Variants in LOC400499 observed in about 807,000 individuals in gnomAD.
chr16:11,490,213 T>C, the LOC400499 span, among the ~76,000 whole-genome samples: 41 of 151,708 alleles, frequency 2.7e-4, no homozygotes, highest in East Asian at 7.2e-3. Flanking sequence ...CTGGCCCACA[T>C]GGCAAAACCA....
the LOC400499 span, chr16:11,494,904 G>A: frequency 1.0e-5 from 4 of 397,206 alleles, no homozygotes; most frequent in Admixed American, 8.8e-5. Context: ...TCTTTTCAGG[G>A]AACATTTTAA....
the LOC400499 span, among the ~76,000 whole-genome samples, chr16:11,505,561 C>T: frequency 2.0e-5 from 3 of 147,588 alleles, 1 homozygote; most frequent in South Asian, 6.5e-4. Flanking sequence ...TCAAGCCAGC[C>T]TCCTCCCTCA....
chr16:11,458,289 T>C, the LOC400499 span, among the ~76,000 whole-genome samples: 5 of 151,970 alleles, frequency 3.3e-5, no homozygotes, highest in Non-Finnish European at 7.4e-5. Context: ...GAAGTTGTAG[T>C]AAGCCAAGGT....
the LOC400499 span, among the ~76,000 whole-genome samples, chr16:11,444,822 C>A: frequency 3.9e-5 from 6 of 152,036 alleles, no homozygotes; most frequent in African/African-American, 1.4e-4. Context: ...TGGTTCACAC[C>A]TATAATGTCA....
the LOC400499 span, among the ~76,000 whole-genome samples, chr16:11,461,803 TCCAGCACCAGGG>T: frequency 6.6e-6 from 1 of 152,154 alleles, no homozygotes; most frequent in East Asian, 1.9e-4. Context: ...CTACCCCAGC[TCCAGCACCAGGG>T]CCAGCACCTG....
chr16:11,464,946 G>A, the LOC400499 span, among the ~76,000 whole-genome samples: 23 of 152,344 alleles, frequency 1.5e-4, no homozygotes, highest in African/African-American at 5.3e-4. Flanking sequence ...TTAGGAGGAA[G>A]ACAGCTCTCC....
the LOC400499 span, among the ~76,000 whole-genome samples, chr16:11,477,575 T>C: frequency 1.3e-5 from 2 of 152,200 alleles, no homozygotes; most frequent in Non-Finnish European, 2.9e-5. Context: ...GGGCATAGGG[T>C]TGTGGCCAGC....
the LOC400499 span, among the ~76,000 whole-genome samples, chr16:11,390,982 C>T: frequency 6.6e-6 from 1 of 152,348 alleles, no homozygotes; most frequent in Admixed American, 6.5e-5. Context: ...AGACTCCGCC[C>T]CAGCCCCCTT....
the LOC400499 span, chr16:11,491,816 G>T: frequency 2.5e-6 from 1 of 398,940 alleles, no homozygotes; most frequent in Middle Eastern, 6.3e-4. Context: ...CCTCCTCCAG[G>T]GATTGGTATA....
At chr16:11,435,562 A>T in the LOC400499 span, 1 of 398,352 alleles carries the variant, frequency 2.5e-6, no homozygotes. Context: ...AGGGGAACAG[A>T]AGAGGGGCCT....
At chr16:11,399,194 C>G in the LOC400499 span, 1 of 985,070 alleles carries the variant, frequency 1.0e-6, no homozygotes, top group East Asian at 1.1e-4. Flanking sequence ...CGCCCCCTCC[C>G]GAGAAGCCCC....
At chr16:11,499,330 G>C in the LOC400499 span, among the ~76,000 whole-genome samples, 1 of 119,528 alleles carries the variant, frequency 8.4e-6, no homozygotes, top group Admixed American at 8.1e-5. Flanking sequence ...AGAGGGGAGA[G>C]GGGGAAGGGA....
At chr16:11,493,431 G>A in the LOC400499 span, among the ~76,000 whole-genome samples, 3 of 152,174 alleles carry the variant, frequency 2.0e-5, no homozygotes, top group Non-Finnish European at 4.4e-5. Flanking sequence ...GATGGCACTG[G>A]TAATCATATG....
the LOC400499 span, chr16:11,396,497 T>C: frequency 4.1e-6 from 5 of 1,232,170 alleles, no homozygotes; most frequent in Non-Finnish European, 5.1e-6. Context: ...GTCAGCCCCA[T>C]CCTGGCCACT....
At chr16:11,488,824 C>A in the LOC400499 span, 46 of 398,868 alleles carry the variant, frequency 1.2e-4, no homozygotes, top group Non-Finnish European at 1.7e-4. Context: ...GGGGGTCGTG[C>A]GTCTCCAGCA....
the LOC400499 span, among the ~76,000 whole-genome samples, chr16:11,376,718 AGT>A: frequency 6.6e-6 from 1 of 152,204 alleles, no homozygotes; most frequent in Non-Finnish European, 1.5e-5. Context: ...TTTTTCTATA[AGT>A]GAAGAAAAAA....
At chr16:11,450,761 G>T in the LOC400499 span, 2 of 1,535,960 alleles carry the variant, frequency 1.3e-6, no homozygotes, top group South Asian at 1.2e-5. Flanking sequence ...GCTCGGTGTG[G>T]CCAGTATAGC....
the LOC400499 span, chr16:11,383,533 G>A: frequency 3.5e-6 from 4 of 1,150,850 alleles, no homozygotes; most frequent in Admixed American, 4.2e-5. Flanking sequence ...TTAGCTCCTT[G>A]AATGACAATT....
the LOC400499 span, among the ~76,000 whole-genome samples, chr16:11,505,330 A>C: frequency 2.6e-5 from 4 of 152,024 alleles, no homozygotes; most frequent in East Asian, 5.8e-4. Context: ...ACTAACCTCT[A>C]ATGGAAAGAC....
Sources: gnomAD v4.1 joint callset for allele counts (sites outside exome capture counted in the v4.1 genomes callset) on GRCh38, gnomAD v4.1.1 for gene constraint, MANE v1.5 for transcripts.